NMD3: variants seen among roughly 807,000 people sequenced by gnomAD.
The protein encoded by NMD3 is 60S ribosomal export protein NMD3.
Under a neutral mutation model 73.1 loss-of-function variants are expected in NMD3, and 47 were observed. The observed-to-expected ratio is 0.64, with a 90% CI of 0.51 to 0.82. The LOEUF is 0.82. Ranked by LOEUF, NMD3 falls within the 40% of genes least tolerant of loss-of-function variation. The pLI, the probability that NMD3 is intolerant of heterozygous loss-of-function variation, is 0.00. For missense variants in NMD3, 554 were observed against 612.5 expected, an observed-to-expected ratio of 0.90 and a Z score of 1.01; for synonymous variants, 210 against 194.5, an observed-to-expected ratio of 1.08 and a Z score of -0.66.
chr3:161,239,122 T>C (rs1025277628), intron 9 of NMD3, among the ~76,000 whole-genome samples: 2 of 152,184 alleles, frequency 1.3e-5, no homozygotes, highest in African/African-American at 4.8e-5. Context: ...GCCTGTATCA[T>C]ATAGTTCAGT....
At chr3:161,241,612 G>T (rs1435325782) in intron 10 of NMD3, among the ~76,000 whole-genome samples, 2 of 151,824 alleles carry the variant, frequency 1.3e-5, no homozygotes, top group African/African-American at 4.8e-5. Flanking sequence ...GTAGAGACGG[G>T]GTTTCACTGT....
chr3:161,240,180 C>G (rs917321743), intron 9 of NMD3, among the ~76,000 whole-genome samples: 1 of 152,136 alleles, frequency 6.6e-6, no homozygotes, highest in Non-Finnish European at 1.5e-5. Flanking sequence ...ATAGATACAC[C>G]TTAAAATATA....
At chr3:161,221,959 T>TC (rs1560061509) in intron 1 of NMD3, 35 bp from the exon 2 acceptor site, 6 of 55,556 alleles carry the variant, frequency 1.1e-4, no homozygotes, top group South Asian at 8.7e-4. Flanking sequence ...CAACATTCTC[T>TC]TTTTTTTTTT....
intron 5 of NMD3, 34 bp from the exon 6 acceptor site, chr3:161,234,693 C>A: frequency 1.3e-6 from 2 of 1,547,952 alleles, no homozygotes; most frequent in South Asian, 1.3e-5. Context: ...TTAAACAAAA[C>A]CAAAAGAATG....
At chr3:161,250,658 G>C (rs936802586) in intron 15 of NMD3, 122 bp from the exon 16 acceptor site, 1 of 636,642 alleles carries the variant, frequency 1.6e-6, no homozygotes, top group Non-Finnish European at 2.6e-6. Flanking sequence ...AAGAGCTTCT[G>C]ATACAATGTA....
intron 8 of NMD3, 101 bp downstream of exon 8, chr3:161,238,292 C>G: frequency 1.3e-6 from 1 of 777,812 alleles, no homozygotes; most frequent in Non-Finnish European, 2.1e-6. Context: ...TATTTAAAAT[C>G]GTAGTAGAAA....
At chr3:161,243,204 C>G (rs1053934302) in intron 11 of NMD3, among the ~76,000 whole-genome samples, 1 of 152,006 alleles carries the variant, frequency 6.6e-6, no homozygotes, top group African/African-American at 2.4e-5. Flanking sequence ...ACATACATAC[C>G]TATGATAGAG....
chr3:161,235,683 A>G (rs1362692708), intron 7 of NMD3, among the ~76,000 whole-genome samples: 3 of 152,078 alleles, frequency 2.0e-5, no homozygotes, highest in African/African-American at 4.8e-5. Context: ...ATCCAATTTG[A>G]TATCTCCTAA....
At chr3:161,243,101 C>T (rs1560072986) in intron 11 of NMD3, among the ~76,000 whole-genome samples, 1 of 152,098 alleles carries the variant, frequency 6.6e-6, no homozygotes, top group Non-Finnish European at 1.5e-5. Context: ...CAGTATTCTG[C>T]TCTTATCCAT....
chr3:161,244,490 C>T lies in NMD3; in HGVS notation c.1017+1837C>T, dbSNP rs867895329. Among the ~76,000 whole-genome samples the T allele has an allele frequency of 6.2e-4, 95 of 152,164 alleles. 7 individuals carry two copies. The highest frequency in any genetic ancestry group is 2.9e-5 in the Non-Finnish European group (2 of 68,034). On this transcript the variant is annotated intron_variant, in intron 11 of 15. Transcript: ENST00000351193. ...TAGAGTAAAGAGTTGATCTAGGAAT[C>T]ATTTCCAGTGGTGAAAATTAGCTTA...
chr3:161,230,017 C>A (rs1193025702), intron 4 of NMD3, among the ~76,000 whole-genome samples: 3 of 152,104 alleles, frequency 2.0e-5, no homozygotes, highest in African/African-American at 7.2e-5. Flanking sequence ...ATAGACAGTT[C>A]TTTTGAGATT....
intron 9 of NMD3, among the ~76,000 whole-genome samples, chr3:161,240,609 C>T (rs562968220): frequency 1.4e-5 from 2 of 145,486 alleles, no homozygotes; most frequent in East Asian, 2.2e-4. Context: ...ACTGAAGCCT[C>T]GACCTCCTGG....
intron 10 of NMD3, among the ~76,000 whole-genome samples, chr3:161,241,394 ATTCCATTAATTTTTACTGAAATTGACTT>A (rs1432820547): frequency 1.4e-5 from 2 of 145,812 alleles, no homozygotes; most frequent in African/African-American, 2.5e-5. Flanking sequence ...TTACTGGTTT[ATTCCATTAATTTTTACTGAAATTGACTT>A]TTTTTTTTTT....
At chr3:161,232,767 C>T (rs115289508) in intron 4 of NMD3, among the ~76,000 whole-genome samples, 3,521 of 152,252 alleles carry the variant, frequency 0.023, 60 homozygotes, top group African/African-American at 0.024. Flanking sequence ...AGATCATCTA[C>T]AATCTGGCCC....
At position 161,234,856 on chromosome 3, in the gene NMD3, G is replaced by A. The variant is rs1553791040; in HGVS notation, c.486+1G>A. 2 of 1,613,098 alleles carry A rather than the reference G, an allele frequency of 1.2e-6. No homozygotes were observed. Among genetic ancestry groups the A allele is most frequent in the Non-Finnish European group, 1.7e-6 (2 of 1,179,350 alleles). ...GGCTGTGATTCAAGTGAGGCAAAAGGTAATGAGAGAAGATGATGAGTGAGT... is the reference window on the plus strand; with the variant it reads ...GGCTGTGATTCAAGTGAGGCAAAAGATAATGAGAGAAGATGATGAGTGAGT... On this transcript the variant is annotated splice_donor_variant, in intron 6 of 15. Coordinates refer to ENST00000351193, the MANE Select transcript of NMD3 (RefSeq NM_015938.5). LOFTEE classifies it high-confidence loss of function.
At position 161,247,341 on chromosome 3, in the gene NMD3, A is replaced by G; in HGVS notation, c.1203+11A>G. On this transcript the variant is annotated intron_variant, in intron 13 of 15. Coordinates refer to ENST00000351193, the MANE Select transcript of NMD3 (RefSeq NM_015938.5). ...AGAGTTCCAGATGTGGTAAGGCTTT[A>G]GATTTTTCCCTTTTTTCCTGTGTTA... 6.3e-7 allele frequency: 1 copy of G among 1,579,504 alleles called. No homozygotes were observed. Among genetic ancestry groups the G allele is most frequent in the Non-Finnish European group, 8.7e-7 (1 of 1,149,226 alleles).
chr3:161,240,438 T>A (rs143486296), intron 9 of NMD3, among the ~76,000 whole-genome samples: 216 of 152,064 alleles, frequency 1.4e-3, no homozygotes, highest in South Asian at 9.1e-3. Context: ...CTGTTTAGAA[T>A]GTACACTGTA....
rs1737491369 is a variant in NMD3 at position 161,251,672 on chromosome 3, T to G, written c.*762T>G. The G allele has an allele frequency of 6.6e-6, 1 of 152,208 alleles. No homozygotes were observed. The highest frequency in any genetic ancestry group is 1.5e-5 in the Non-Finnish European group (1 of 68,036). 9.4% of individuals were successfully genotyped at this position (152,208 alleles called of 1,614,324 possible). A position where few individuals can be genotyped will look rare whatever the true frequency, so the allele number is the denominator to read the frequency against. ...TTCCTACCACATCAAAAATGCTGCT[T>G]TTAAAATTTTTGTTTATAAATTGAG... On this transcript the variant is annotated 3_prime_UTR_variant, in exon 16 of 16. Coordinates refer to ENST00000351193, the MANE Select transcript of NMD3 (RefSeq NM_015938.5).
chr3:161,250,501 A>G (rs1353751770), intron 15 of NMD3, among the ~76,000 whole-genome samples, 175 bp downstream of exon 15: 1 of 152,204 alleles, frequency 6.6e-6, no homozygotes, highest in Admixed American at 6.5e-5. Context: ...ACTTAACAAA[A>G]TACTGTTTTG....
Sources: allele counts gnomAD v4.1 joint callset (sites outside exome capture counted in the v4.1 genomes callset), GRCh38; gene constraint gnomAD v4.1.1; transcripts MANE v1.5; gene names NCBI Gene and HGNC (gene_info 2026-07-23, HGNC 2026-07-21).